The following KLHDC4 variants were observed in gnomAD, a reference collection of about 807,000 sequenced individuals.
KLHDC4 encodes kelch domain-containing protein 4.
In KLHDC4, 90 loss-of-function variants were observed where a neutral mutation model predicts 62.4. That is an observed-to-expected ratio of 1.44 (90% CI 1.22 to 1.72). The LOEUF is 1.72. KLHDC4 is among the 40% of genes most tolerant of loss of function. The probability of loss-of-function intolerance (pLI) is 0.00; values close to 1 mark genes in which losing one functional copy is unlikely to be tolerated. For missense variants in KLHDC4, 1,025 were observed against 699.7 expected, an observed-to-expected ratio of 1.47 and a Z score of -5.25; for synonymous variants, 386 against 284.4, an observed-to-expected ratio of 1.36 and a Z score of -3.59.
At chr16:87,727,063 C>CA in intron 6 of KLHDC4, 139 bp from the exon 7 acceptor site, 1 of 847,822 alleles carries the variant, frequency 1.2e-6, no homozygotes, top group Middle Eastern at 2.6e-4. Context: ...TCTGCTCTTA[C>CA]ACCAACACAA....
chr16:87,703,932 C>T (rs183170730), downstream of KLHDC4, among the ~76,000 whole-genome samples: 101 of 152,186 alleles, frequency 6.6e-4, no homozygotes, highest in African/African-American at 2.3e-3. Context: ...GAAAACGAGA[C>T]TGGCCTCCAG....
rs937875445 is a variant in KLHDC4, at chr16:87,711,442, G to C, written c.837C>G (p.Asp279Glu). 5 of 1,607,952 alleles carry C rather than the reference G, an allele frequency of 3.1e-6. No homozygotes were observed. Among genetic ancestry groups the C allele is most frequent in the Non-Finnish European group, 4.2e-6 (5 of 1,178,286 alleles). Residue 279 changes from aspartate (D) to glutamate (E), a missense_variant and splice_region_variant, in exon 9 of 12, where the codon GAC becomes GAG. Coordinates refer to ENST00000270583, the MANE Select transcript of KLHDC4 (RefSeq NM_017566.4). ...GGTTCATCCGAGTCCAAACCCACTT[G>C]TCTGTCAAAAGAGAACAAGGAAGTG... Reference protein sequence around the residue: ...FLLKPEDGREDKWVWTRMNPS... With the variant: ...FLLKPEDGREEKWVWTRMNPS...
chr16:87,740,124 G>A (rs1387311356), intron 5 of KLHDC4, among the ~76,000 whole-genome samples: 2 of 152,164 alleles, frequency 1.3e-5, no homozygotes, highest in Non-Finnish European at 2.9e-5. Context: ...TTCTCCAGGG[G>A]ACAGGAAGAG....
At chr16:87,757,723 C>T (rs1042507769) in intron 2 of KLHDC4, among the ~76,000 whole-genome samples, 1 of 151,798 alleles carries the variant, frequency 6.6e-6, no homozygotes, top group Non-Finnish European at 1.5e-5. Context: ...AACCCCCCGT[C>T]TCTACTAAAA....
At chr16:87,725,442 G>A (rs886958860) in intron 7 of KLHDC4, among the ~76,000 whole-genome samples, 4 of 152,184 alleles carry the variant, frequency 2.6e-5, no homozygotes, top group African/African-American at 9.7e-5. Context: ...TGGGATTACA[G>A]GCGTGAGCCA....
intron 6 of KLHDC4, among the ~76,000 whole-genome samples, chr16:87,727,461 G>A (rs2039574551): frequency 6.6e-6 from 1 of 152,192 alleles, no homozygotes; most frequent in South Asian, 2.1e-4. Flanking sequence ...ACAGTGGACT[G>A]GAGGGGTGAG....
At chr16:87,751,452 C>A (rs1450467292) in intron 4 of KLHDC4, among the ~76,000 whole-genome samples, 4 of 140,398 alleles carry the variant, frequency 2.8e-5, no homozygotes, top group Admixed American at 7.5e-5. Context: ...CCAGCCCGGG[C>A]AACAGAGCAA....
In KLHDC4 at chr16:87,731,961, G is replaced by A. The variant is rs1370864058; in HGVS notation, c.507-1317C>T. Among the ~76,000 whole-genome samples the A allele has an allele frequency of 3.3e-5, 5 of 152,318 alleles. No individual in the cohort carries two copies. In the South Asian group the frequency reaches 6.2e-4, roughly 19 times the overall value. ...TCTGCTGGACTCCATGCACACGAGC[G>A]TCTTAAAGGTGAGATCCGTCTTCGG... On this transcript the variant is annotated intron_variant, in intron 5 of 11. Transcript: ENST00000270583.
chr16:87,729,860 T>G (rs1455118298), intron 6 of KLHDC4, among the ~76,000 whole-genome samples: 1 of 152,214 alleles, frequency 6.6e-6, no homozygotes, highest in Non-Finnish European at 1.5e-5. Flanking sequence ...TGGGCCTCAC[T>G]CCAGGCCTCT....
At chr16:87,701,910 C>A (rs535068050) in exon 1 of KLHDC4, 9 of 456,238 alleles carry the variant, frequency 2.0e-5, no homozygotes, top group Non-Finnish European at 4.0e-5. Context: ...CTGCTGTGCA[C>A]GTGCTCCCTC....
At position 87,748,800 on chromosome 16, in the gene KLHDC4, C is replaced by A. The variant is rs752853030; in HGVS notation, c.379G>T (p.Val127Leu). The change falls in exon 5 of 12, where the codon GTG (valine) becomes TTG (leucine). Residue 127 changes from valine to leucine, a missense_variant. Physicochemically the swap from Val to Leu is conservative, Grantham distance 32. Transcript: ENST00000270583. ...CACAGCTGTCCGCCACCTTGAGGCA[C>A]TACCACCGCCTGTGAAAAGAAAGGT... ...PRRCAHQAVV[V>L]PQGGGQLWVF... 6.2e-6 allele frequency: 10 copies of A among 1,612,382 alleles called. No homozygotes were observed. In the Admixed American group the frequency reaches 1.5e-4, roughly 24 times the overall value.
intron 9 of KLHDC4, 84 bp downstream of exon 9, chr16:87,711,151 A>T: frequency 6.8e-7 from 1 of 1,461,204 alleles, no homozygotes; most frequent in Non-Finnish European, 9.5e-7. Flanking sequence ...CCCAATACCA[A>T]AAGGTGCTGG....
intron 10 of KLHDC4, 138 bp from the exon 11 acceptor site, chr16:87,708,604 C>T (rs1004988046): frequency 2.7e-5 from 13 of 485,182 alleles, no homozygotes; most frequent in South Asian, 1.8e-4. Flanking sequence ...TCCTCTTCCC[C>T]GACCCCCTTC....
intron 3 of KLHDC4, chr16:87,755,556 C>A: frequency 3.7e-6 from 1 of 272,378 alleles, no homozygotes; most frequent in Non-Finnish European, 7.1e-6. Context: ...TCTCCTAATT[C>A]CAGCCTAGTT....
At chr16:87,748,500 T>C (rs2043387728) in intron 5 of KLHDC4, among the ~76,000 whole-genome samples, 173 bp downstream of exon 5, 1 of 152,146 alleles carries the variant, frequency 6.6e-6, no homozygotes, top group African/African-American at 2.4e-5. Flanking sequence ...GGCTTCTGTA[T>C]GAAGGGTCCA....
At chr16:87,734,935 C>G (rs1259141200) in intron 5 of KLHDC4, among the ~76,000 whole-genome samples, 74 of 149,472 alleles carry the variant, frequency 5.0e-4, no homozygotes, top group African/African-American at 1.8e-3. Context: ...GCAAATTTCC[C>G]GATGCCCCCT....
chr16:87,748,133 G>C lies in KLHDC4; in HGVS notation c.506+540C>G, dbSNP rs187758132. ...AACATGTAGCTCTTGACTAATGGGAGACACCCGTGCGTGGTAAACATGCAT... is the reference window on the plus strand; with the variant it reads ...AACATGTAGCTCTTGACTAATGGGACACACCCGTGCGTGGTAAACATGCAT... On this transcript the variant is annotated intron_variant, in intron 5 of 11. Transcript: ENST00000270583. Among the ~76,000 whole-genome samples, 508 of 152,318 alleles carry C rather than the reference G, an allele frequency of 3.3e-3. 12 individuals are homozygous for C. Among genetic ancestry groups the C allele is most frequent in the Non-Finnish European group, 7.8e-4 (53 of 68,032 alleles).
intron 7 of KLHDC4, among the ~76,000 whole-genome samples, chr16:87,716,893 C>T (rs1413389047): frequency 3.3e-5 from 5 of 152,186 alleles, no homozygotes; most frequent in African/African-American, 1.2e-4. Context: ...GATCTCGCCA[C>T]TGCACTCCAG....
chr16:87,755,664 G>A, intron 3 of KLHDC4: 1 of 191,784 alleles, frequency 5.2e-6, no homozygotes, highest in Non-Finnish European at 1.1e-5. Context: ...CCTCCCAGGT[G>A]CAAGTGATTC....
Sources: gnomAD v4.1 joint callset for allele counts (sites outside exome capture counted in the v4.1 genomes callset) on GRCh38, gnomAD v4.1.1 for gene constraint, MANE v1.5 for transcripts, NCBI Gene and HGNC (gene_info 2026-07-23, HGNC 2026-07-21) for gene names.